Variants in OLFM3 observed in about 807,000 individuals in gnomAD.
OLFM3 encodes the protein noelin-3.
In OLFM3, 20 loss-of-function variants were observed where a neutral mutation model predicts 48.6. The ratio of observed to expected loss-of-function variants is 0.41; its 90% CI spans 0.29 to 0.60. The LOEUF (loss-of-function observed/expected upper bound fraction) is 0.60. Ranked by LOEUF, OLFM3 falls within the 20% of genes least tolerant of loss-of-function variation. The probability of loss-of-function intolerance (pLI) is 0.28; values close to 1 mark genes in which losing one functional copy is unlikely to be tolerated. For synonymous variants in OLFM3, 222 were observed against 198.1 expected (o/e 1.12, Z -1.01); for missense variants, 437 against 544.3 (o/e 0.80, Z 1.96).
intron 1 of OLFM3, among the ~76,000 whole-genome samples, chr1:101,955,824 C>T (rs1175747025): frequency 6.6e-6 from 1 of 151,862 alleles, no homozygotes; most frequent in Non-Finnish European, 1.5e-5. Flanking sequence ...TTGCTTATTG[C>T]ACATACCACA....
chr1:101,890,477 T>C (rs1657948629), intron 1 of OLFM3, among the ~76,000 whole-genome samples: 3 of 152,012 alleles, frequency 2.0e-5, no homozygotes, highest in Admixed American at 1.3e-4. Flanking sequence ...GACTTTTCTA[T>C]AATTTCTGAA....
At chr1:101,862,111 C>T (rs1333997439) in intron 1 of OLFM3, among the ~76,000 whole-genome samples, 1 of 152,136 alleles carries the variant, frequency 6.6e-6, no homozygotes, top group African/African-American at 2.4e-5. Flanking sequence ...GATTCTGTTT[C>T]CTTGGAAACT....
rs55766537 is a variant in OLFM3 at position 101,918,563 on chromosome 1, C to CTTT, written c.69+78182_69+78184dup. Among the ~76,000 whole-genome samples, 24 of 142,750 alleles carry CTTT rather than the reference C, an allele frequency of 1.7e-4. 2 individuals are homozygous for CTTT. Among genetic ancestry groups the CTTT allele is most frequent in the East Asian group, 2.0e-4 (1 of 4,918 alleles). 93.6% of individuals were successfully genotyped at this position (142,750 alleles called of 152,430 possible). On this transcript the variant is annotated intron_variant, in intron 1 of 5. Coordinates refer to ENST00000370103, the MANE Select transcript of OLFM3 (RefSeq NM_058170.4). ...TCTCTCACTCTGACTCTCCTTCCTC[C>CTTT]TTTTTTTTTTTTTAACTTATAAGGT... is the stretch of plus-strand genomic sequence containing the variant.
chr1:101,894,173 T>C (rs1165025149), intron 1 of OLFM3: 2 of 153,344 alleles, frequency 1.3e-5, no homozygotes, highest in Non-Finnish European at 2.9e-5. Context: ...AGAGTAGTGT[T>C]TTAAAAATTA....
At chr1:101,829,685 G>A (rs1280591864) in intron 3 of OLFM3, among the ~76,000 whole-genome samples, 3 of 152,340 alleles carry the variant, frequency 2.0e-5, no homozygotes, top group Non-Finnish European at 2.9e-5. Flanking sequence ...CTCAACATCA[G>A]CAGTGAATCT....
chr1:101,804,156 A>C lies in OLFM3; in HGVS notation c.*82T>G, dbSNP rs768834441. On this transcript the variant is annotated 3_prime_UTR_variant, in exon 6 of 6. Transcript: ENST00000370103. The surrounding 1 kb of genome is among the most constrained non-coding windows in gnomAD (Gnocchi z 4.5). ...CTTTGGAGAAATGATGAAAAATAAT[A>C]GTGAAGAAAAAAACGGAAGGGGTCT... 1 of 1,064,490 alleles carries C rather than the reference A, an allele frequency of 9.4e-7. No individual in the cohort carries two copies. Among genetic ancestry groups the C allele is most frequent in the Admixed American group, 3.2e-5 (1 of 31,488 alleles). The allele number at this position is 1,064,490 out of a possible 1,614,324, so 65.9% of individuals were successfully genotyped here. A position where few individuals can be genotyped will look rare whatever the true frequency, so the allele number is the denominator to read the frequency against.
intron 1 of OLFM3, chr1:101,893,533 A>G (rs1017079984): frequency 3.5e-6 from 1 of 284,138 alleles, no homozygotes; most frequent in Non-Finnish European, 7.2e-6. Flanking sequence ...CCAGGACTGG[A>G]GCCAGGAGAT....
chr1:101,884,513 CAG>C (rs1426710806), intron 1 of OLFM3, among the ~76,000 whole-genome samples: 1 of 151,494 alleles, frequency 6.6e-6, no homozygotes, highest in East Asian at 1.9e-4. Flanking sequence ...CAAAAAAAAA[CAG>C]ACAAAAAATG....
intron 1 of OLFM3, among the ~76,000 whole-genome samples, chr1:101,953,230 C>T (rs1660196422): frequency 6.6e-6 from 1 of 152,020 alleles, no homozygotes; most frequent in African/African-American, 2.4e-5. Context: ...ATATGGCTCA[C>T]ATTGTATTTC....
chr1:101,886,663 A>C (rs1004447881), intron 1 of OLFM3, among the ~76,000 whole-genome samples: 1 of 152,090 alleles, frequency 6.6e-6, no homozygotes, highest in Non-Finnish European at 1.5e-5. Flanking sequence ...CTGCGGTTGC[A>C]TGAAAGACCT....
intron 1 of OLFM3, among the ~76,000 whole-genome samples, chr1:101,861,517 AG>A (rs1429004176): frequency 1.3e-5 from 2 of 152,234 alleles, no homozygotes; most frequent in Admixed American, 6.5e-5. Context: ...GTTCAGGGAA[AG>A]GGGAAAGCCT....
At chr1:101,823,272 T>A (rs1447350474) in intron 4 of OLFM3, among the ~76,000 whole-genome samples, 1 of 152,008 alleles carries the variant, frequency 6.6e-6, no homozygotes, top group Admixed American at 6.6e-5. Flanking sequence ...TAGTGAAATA[T>A]CAGGATTTGG....
chr1:101,959,568 T>C (rs1327239905), intron 1 of OLFM3, among the ~76,000 whole-genome samples: 1 of 152,182 alleles, frequency 6.6e-6, no homozygotes, highest in African/African-American at 2.4e-5. Context: ...CAGTTCTTAA[T>C]GCAGAAAATT....
intron 4 of OLFM3, among the ~76,000 whole-genome samples, chr1:101,819,487 T>C (rs6694095): frequency 0.21 from 32,381 of 151,950 alleles, 4,719 homozygotes; most frequent in African/African-American, 0.39. Flanking sequence ...AGTAATTCAG[T>C]TGAAAAATCA....
chr1:101,929,386 T>C (rs1659374574), intron 1 of OLFM3, among the ~76,000 whole-genome samples: 1 of 152,092 alleles, frequency 6.6e-6, no homozygotes, highest in Non-Finnish European at 1.5e-5. Context: ...ATGCCAAAAG[T>C]GCTAGTTGAA....
At chr1:101,926,961 G>A (rs1254940940) in intron 1 of OLFM3, among the ~76,000 whole-genome samples, 1 of 152,110 alleles carries the variant, frequency 6.6e-6, no homozygotes, top group Non-Finnish European at 1.5e-5. Flanking sequence ...AGAATTGGAA[G>A]AATAATACAA....
chr1:101,809,529 C>A (rs1241440118), intron 4 of OLFM3, among the ~76,000 whole-genome samples: 2 of 151,816 alleles, frequency 1.3e-5, no homozygotes, highest in Non-Finnish European at 2.9e-5. Context: ...TCAGAAATTA[C>A]TTGGGGATAT....
At chr1:101,861,150 T>A (rs1656637498) in intron 1 of OLFM3, among the ~76,000 whole-genome samples, 1 of 151,912 alleles carries the variant, frequency 6.6e-6, no homozygotes, top group Non-Finnish European at 1.5e-5. Context: ...CAACCTCTGC[T>A]TCCCGGGTTC....
chr1:101,850,235 G>A (rs1656169646), intron 1 of OLFM3, among the ~76,000 whole-genome samples: 1 of 151,944 alleles, frequency 6.6e-6, no homozygotes, highest in African/African-American at 2.4e-5. Flanking sequence ...TTTCTTTGTG[G>A]AATTTCATAG....
Sources: gnomAD v4.1 joint callset for allele counts (sites outside exome capture counted in the v4.1 genomes callset) on GRCh38, gnomAD v4.1.1 for gene constraint, Gnocchi (gnomAD v3.1) non-coding constraint, MANE v1.5 for transcripts, NCBI Gene and HGNC (gene_info 2026-07-23, HGNC 2026-07-21) for gene names.